Variants in TULP3 observed in about 807,000 individuals in gnomAD.
The protein encoded by TULP3 is TUB like protein 3, also known as tubby-related protein 3.
In TULP3, 38 loss-of-function variants were observed where a neutral mutation model predicts 50.7. The observed-to-expected ratio is 0.75, with a 90% confidence interval of 0.58 to 0.98. The LOEUF is 0.98. TULP3 is among the 50% of genes least tolerant of loss of function. The probability of loss-of-function intolerance (pLI) is 0.00; values close to 1 mark genes in which losing one functional copy is unlikely to be tolerated. For missense variants in TULP3, 550 were observed against 568.0 expected (o/e 0.97, Z 0.32); for synonymous variants, 183 against 196.6 (o/e 0.93, Z 0.58).
rs774321767 is a variant in TULP3 at position 2,933,521 on chromosome 12, G to T, written c.800G>T (p.Gly267Val). ...TCTCGTGAAGGAGAAAGTTATGTCG[G>T]CAAGCTTAGGTGAAAGCAACCTTAG... ...DLSREGESYV[G>V]KLRSNLMGTK... Residue 267 changes from glycine to valine, a missense_variant, in exon 7 of 11, where the codon GGC (glycine) becomes GTC (valine). Gly to Val is a moderately radical substitution (Grantham distance 109, BLOSUM62 -3). Coordinates refer to ENST00000448120, the MANE Select transcript of TULP3 (RefSeq NM_003324.5). The T allele has an allele frequency of 6.2e-7, 1 of 1,610,892 alleles. No individual in the cohort carries two copies. Among genetic ancestry groups the T allele is most frequent in the Non-Finnish European group, 8.5e-7 (1 of 1,177,350 alleles).
In TULP3 at chr12:2,915,507, C is replaced by T. The variant is rs555355766; in HGVS notation, c.94-5256C>T. Among the ~76,000 whole-genome samples the T allele has an allele frequency of 2.2e-4, 33 of 149,334 alleles. No individual in the cohort carries two copies. The Admixed American group carries it at 2.2e-3, about 10-fold the overall frequency. On this transcript the variant is annotated intron_variant, in intron 2 of 10. Transcript: ENST00000448120. Reference sequence around the variant, plus strand: ...TTAGTCTTACCTTCCTATGATCTTGCTTTGTGGGCGGGGAGATTAAGTTAG... The same window carrying T: ...TTAGTCTTACCTTCCTATGATCTTGTTTTGTGGGCGGGGAGATTAAGTTAG...
intron 1 of TULP3, 41 bp downstream of exon 1, chr12:2,891,029 GA>G: frequency 6.6e-7 from 1 of 1,524,520 alleles, no homozygotes; most frequent in Non-Finnish European, 8.8e-7. Context: ...GAGCGAGGCG[GA>G]GGGGCGAAGC....
chr12:2,908,021 G>A (rs1047045386), intron 1 of TULP3, among the ~76,000 whole-genome samples: 31 of 152,226 alleles, frequency 2.0e-4, no homozygotes, highest in African/African-American at 6.3e-4. Context: ...GCACCTGCAC[G>A]TCTGTGTGAG....
At chr12:2,920,970 A>G in intron 3 of TULP3, 48 bp downstream of exon 3, 1 of 1,606,920 alleles carries the variant, frequency 6.2e-7, no homozygotes, top group Non-Finnish European at 8.5e-7. Context: ...AATTTTCACA[A>G]ACCTAGAAGG....
intron 2 of TULP3, among the ~76,000 whole-genome samples, chr12:2,919,393 A>G (rs564768873): frequency 1.6e-4 from 25 of 152,160 alleles, no homozygotes; most frequent in South Asian, 4.1e-4. Context: ...TAACTCCCCA[A>G]TCTTTTCCCT....
At chr12:2,927,657 A>G (rs1430697801) in intron 4 of TULP3, among the ~76,000 whole-genome samples, 1 of 151,924 alleles carries the variant, frequency 6.6e-6, no homozygotes, top group Non-Finnish European at 1.5e-5. Flanking sequence ...CCGGCCTGAG[A>G]TTGATTTTTT....
intron 1 of TULP3, among the ~76,000 whole-genome samples, chr12:2,893,507 GA>G (rs1390023024): frequency 6.6e-6 from 1 of 151,910 alleles, no homozygotes; most frequent in East Asian, 1.9e-4. Context: ...TTTTAGTAGA[GA>G]GGGGGTTTCT....
In TULP3 at chr12:2,931,175, A is replaced by G. The variant is rs140815564; in HGVS notation, c.631A>G (p.Arg211Gly). Reference protein sequence around the residue: ...TVRCRIIRDKRGMDRGLFPTY... With the variant: ...TVRCRIIRDKGGMDRGLFPTY... ...AAGATGTCGGATAATCCGGGATAAAAGGGGAATGGATCGGGGTCTCTTCCC... is the reference window on the plus strand; with the variant it reads ...AAGATGTCGGATAATCCGGGATAAAGGGGGAATGGATCGGGGTCTCTTCCC... Residue 211 changes from arginine to glycine, a missense_variant, in exon 6 of 11, where the codon AGG (arginine) becomes GGG (glycine). Arg to Gly is a moderately radical substitution (Grantham distance 125, BLOSUM62 -2). Coordinates refer to ENST00000448120, the MANE Select transcript of TULP3 (RefSeq NM_003324.5). 225 of 1,614,242 alleles carry G rather than the reference A, an allele frequency of 1.4e-4. 1 individual carries two copies. The African/African-American group carries it at 2.8e-3, about 20-fold the overall frequency.
At chr12:2,931,897 T>C (rs1454152886) in intron 6 of TULP3, among the ~76,000 whole-genome samples, 1 of 152,128 alleles carries the variant, frequency 6.6e-6, no homozygotes, top group Non-Finnish European at 1.5e-5. Context: ...CCTTGTTAGG[T>C]AGGATTTCTT....
chr12:2,921,247 C>T (rs578067184), intron 3 of TULP3, among the ~76,000 whole-genome samples: 1 of 152,284 alleles, frequency 6.6e-6, no homozygotes, highest in South Asian at 2.1e-4. Context: ...TCAAGTGATT[C>T]TCCTGCCTCA....
At chr12:2,905,114 T>C (rs1027372696) in intron 1 of TULP3, among the ~76,000 whole-genome samples, 3 of 148,168 alleles carry the variant, frequency 2.0e-5, no homozygotes, top group African/African-American at 7.5e-5. Flanking sequence ...ATCAGAAAAA[T>C]GTAAATTTAT....
At position 2,939,969 on chromosome 12, in the gene TULP3, G is replaced by GTA. The variant is rs1262419705; in HGVS notation, c.*526_*527dup. On this transcript the variant is annotated 3_prime_UTR_variant, in exon 11 of 11. Coordinates refer to ENST00000448120, the MANE Select transcript of TULP3 (RefSeq NM_003324.5). The surrounding 1 kb of genome is among the most constrained non-coding windows in gnomAD (Gnocchi z 4.0). ...GATTTCATGTGCTTGGAAACTTGCAGTAGAATCAGGGACTGACATCGCAGT... is the reference window on the plus strand; with the variant it reads ...GATTTCATGTGCTTGGAAACTTGCAGTATAGAATCAGGGACTGACATCGCAGT... 11 of 1,275,908 alleles carry GTA rather than the reference G, an allele frequency of 8.6e-6. No individual in the cohort carries two copies. Among genetic ancestry groups the GTA allele is most frequent in the Non-Finnish European group, 1.0e-5 (10 of 977,650 alleles). The allele number at this position is 1,275,908 out of a possible 1,614,324, so 79.0% of individuals were successfully genotyped here.
chr12:2,916,287 C>T (rs997352469), intron 2 of TULP3, among the ~76,000 whole-genome samples: 3 of 152,226 alleles, frequency 2.0e-5, no homozygotes, highest in Non-Finnish European at 4.4e-5. Context: ...CAGGCATGAG[C>T]CACTGCGCCG....
intron 1 of TULP3, among the ~76,000 whole-genome samples, chr12:2,904,876 A>G (rs1439463358): frequency 6.6e-6 from 1 of 152,052 alleles, no homozygotes; most frequent in Non-Finnish European, 1.5e-5. Context: ...AGGTGGTCAG[A>G]TCATCTTTAC....
intron 1 of TULP3, among the ~76,000 whole-genome samples, chr12:2,907,475 CAAA>C (rs60356460): frequency 4.2e-5 from 4 of 95,816 alleles, no homozygotes; most frequent in African/African-American, 4.5e-5. Flanking sequence ...ACTCCGTCTC[CAAA>C]AAAAAAAAAA....
At chr12:2,905,842 G>T (rs740766) in intron 1 of TULP3, among the ~76,000 whole-genome samples, 8 of 150,902 alleles carry the variant, frequency 5.3e-5, no homozygotes, top group Non-Finnish European at 8.9e-5. Flanking sequence ...TTTAGCATGG[G>T]TGGGGAATGA....
At chr12:2,901,485 G>T (rs1302033395) in intron 1 of TULP3, among the ~76,000 whole-genome samples, 2 of 151,746 alleles carry the variant, frequency 1.3e-5, no homozygotes, top group East Asian at 3.9e-4. Flanking sequence ...GGGTTCAAGC[G>T]ATTCTCCTGC....
At chr12:2,932,716 A>T (rs1263105356) in intron 6 of TULP3, among the ~76,000 whole-genome samples, 1 of 152,122 alleles carries the variant, frequency 6.6e-6, no homozygotes, top group South Asian at 2.1e-4. Flanking sequence ...GGATTTTGCA[A>T]GGTTGCCCAG....
chr12:2,925,958 T>A (rs1057478432), intron 4 of TULP3, among the ~76,000 whole-genome samples: 1 of 152,168 alleles, frequency 6.6e-6, no homozygotes, highest in African/African-American at 2.4e-5. Flanking sequence ...ACAGGTTGCA[T>A]CTTGACTATA....
Sources: allele counts gnomAD v4.1 joint callset (sites outside exome capture counted in the v4.1 genomes callset), GRCh38; gene constraint gnomAD v4.1.1; non-coding constraint Gnocchi (gnomAD v3.1); transcripts MANE v1.5; gene names NCBI Gene and HGNC (gene_info 2026-07-23, HGNC 2026-07-21).